The following SNX29 variants were observed in gnomAD, a reference collection of about 807,000 sequenced individuals.
The protein encoded by SNX29 is sorting nexin 29, also known as sorting nexin-29.
Under a neutral mutation model 102.1 loss-of-function variants are expected in SNX29, and 78 were observed. That is an observed-to-expected ratio of 0.76 (90% CI 0.64 to 0.92). The LOEUF (loss-of-function observed/expected upper bound fraction) is 0.92, where lower values mean the gene tolerates loss of function less well. SNX29 is among the 40% of genes least tolerant of loss of function. The pLI is 0.00. For synonymous variants in SNX29, 580 were observed against 414.5 expected, an observed-to-expected ratio of 1.40 and a Z score of -4.85; for missense variants, 1,280 against 1,061.7, an observed-to-expected ratio of 1.21 and a Z score of -2.86.
intron 13 of SNX29, among the ~76,000 whole-genome samples, chr16:12,147,224 G>C (rs1310388558): frequency 1.3e-5 from 2 of 152,220 alleles, no homozygotes. Flanking sequence ...ACAGACTTGG[G>C]CAGTTCATCA....
intron 16 of SNX29, among the ~76,000 whole-genome samples, chr16:12,397,462 G>C (rs551917784): frequency 7.4e-4 from 113 of 152,324 alleles, no homozygotes; most frequent in Non-Finnish European, 1.2e-3. Flanking sequence ...CAGGTTCACT[G>C]TGAAGCTTGC....
At chr16:12,254,912 G>A (rs1422589291) in intron 14 of SNX29, among the ~76,000 whole-genome samples, 7 of 152,164 alleles carry the variant, frequency 4.6e-5, no homozygotes, top group Admixed American at 3.9e-4. Context: ...TGGAGAGGGC[G>A]AGTGGAGACA....
intron 13 of SNX29, among the ~76,000 whole-genome samples, chr16:12,150,005 G>A (rs1180059743): frequency 6.6e-6 from 1 of 152,184 alleles, no homozygotes; most frequent in African/African-American, 2.4e-5. Flanking sequence ...GGAGTCCAGA[G>A]TACGTTTGGG....
In SNX29 at chr16:12,040,214, A is replaced by C. The variant is rs575656719; in HGVS notation, c.248-2683A>C. Among the ~76,000 whole-genome samples, 43 of 152,074 alleles carry C rather than the reference A, an allele frequency of 2.8e-4. No individual in the cohort carries two copies. In the South Asian group the frequency reaches 3.1e-3, roughly 11 times the overall value. ...TAGCAGAACCTCATCTCTACAAATA[A>C]ATAAAAATTAAAAAGTTAGCTGGGC... is the stretch of plus-strand genomic sequence containing the variant. On this transcript the variant is annotated intron_variant, in intron 4 of 20. Transcript: ENST00000566228.
intron 13 of SNX29, among the ~76,000 whole-genome samples, chr16:12,188,255 G>A (rs1249347586): frequency 6.6e-6 from 1 of 152,134 alleles, no homozygotes; most frequent in Non-Finnish European, 1.5e-5. Flanking sequence ...TCTGTCTGTA[G>A]TTTCTGAAGG....
rs1209543619 is a variant in SNX29, at chr16:12,571,066, G to GC, written c.*2440dup. 4.3e-6 allele frequency: 1 copy of GC among 232,534 alleles called. No homozygotes were observed. The highest frequency in any genetic ancestry group is 8.5e-6 in the Non-Finnish European group (1 of 117,682). 14.4% of individuals were successfully genotyped at this position (232,534 alleles called of 1,614,324 possible). On this transcript the variant is annotated 3_prime_UTR_variant, in exon 21 of 21. Transcript: ENST00000566228. ...CATTCTCACTCTAAAAATGCTGGTG[G>GC]CCCGCACATGACAGCAACTCCCCGA... is the stretch of plus-strand genomic sequence containing the variant.
chr16:12,034,974 G>A (rs1380008525), intron 4 of SNX29, among the ~76,000 whole-genome samples: 3 of 151,890 alleles, frequency 2.0e-5, no homozygotes, highest in African/African-American at 2.4e-5. Context: ...CCGTGCCCTG[G>A]CACTCCAGCC....
At chr16:12,490,484 A>G (rs756294158) in intron 19 of SNX29, among the ~76,000 whole-genome samples, 13 of 152,218 alleles carry the variant, frequency 8.5e-5, no homozygotes, top group Non-Finnish European at 1.5e-4. Flanking sequence ...GTCTGGCTCA[A>G]TTACAAATAG....
At chr16:12,538,412 T>G (rs1049532251) in intron 20 of SNX29, among the ~76,000 whole-genome samples, 1 of 152,164 alleles carries the variant, frequency 6.6e-6, no homozygotes, top group Non-Finnish European at 1.5e-5. Context: ...TTTAAAATGA[T>G]GTCTGGGAGT....
intron 14 of SNX29, among the ~76,000 whole-genome samples, chr16:12,271,300 C>T (rs1240729921): frequency 3.7e-4 from 56 of 152,216 alleles, no homozygotes. Flanking sequence ...GAGGAGTGTG[C>T]ACTGCCCTCA....
intron 15 of SNX29, among the ~76,000 whole-genome samples, chr16:12,287,915 A>G (rs1252481273): frequency 6.6e-6 from 1 of 152,174 alleles, no homozygotes; most frequent in African/African-American, 2.4e-5. Flanking sequence ...AGGGTGTATT[A>G]CATGTGTGGT....
intron 15 of SNX29, among the ~76,000 whole-genome samples, chr16:12,335,998 T>C (rs28496413): frequency 0.052 from 7,983 of 152,280 alleles, 435 homozygotes; most frequent in African/African-American, 0.13. Flanking sequence ...GAAGACAGTC[T>C]GTCTGGGTCT....
chr16:12,528,436 G>A (rs1444426642), intron 20 of SNX29, among the ~76,000 whole-genome samples: 3 of 152,134 alleles, frequency 2.0e-5, no homozygotes, highest in African/African-American at 7.2e-5. Context: ...CTGACCTCAG[G>A]TGATCCGCGT....
chr16:12,272,318 A>G (rs2079114674), intron 14 of SNX29, among the ~76,000 whole-genome samples: 1 of 152,270 alleles, frequency 6.6e-6, no homozygotes, highest in Non-Finnish European at 1.5e-5. Flanking sequence ...GGGTTGAATG[A>G]ATTGTGATGA....
chr16:12,296,711 C>T (rs148975010), intron 15 of SNX29, among the ~76,000 whole-genome samples: 15 of 152,298 alleles, frequency 9.8e-5, no homozygotes, highest in African/African-American at 3.1e-4. Flanking sequence ...ATGGTTATAC[C>T]ATTAGTATCA....
At position 12,096,495 on chromosome 16, in the gene SNX29, A is replaced by C. The variant is rs998484633; in HGVS notation, c.1402+17580A>C. On this transcript the variant is annotated intron_variant, in intron 11 of 20. Transcript: ENST00000566228. This position sits in a 1 kb window ranked among gnomAD's most constrained non-coding sequence, Gnocchi z 4.2. Reference sequence around the variant, plus strand: ...AGCACCATGGGCTGTTGTGAGGACTAAATGAGTTCATACACAGAGAGTGCT... The same window carrying C: ...AGCACCATGGGCTGTTGTGAGGACTCAATGAGTTCATACACAGAGAGTGCT... Among the ~76,000 whole-genome samples, 2 of 152,234 alleles carry C rather than the reference A, an allele frequency of 1.3e-5. No homozygotes were observed. The highest frequency in any genetic ancestry group is 3.8e-4 in the East Asian group (2 of 5,204).
chr16:12,161,144 C>T (rs560329557), intron 13 of SNX29, among the ~76,000 whole-genome samples: 5 of 152,234 alleles, frequency 3.3e-5, no homozygotes, highest in Non-Finnish European at 7.3e-5. Flanking sequence ...TACCTCGTCA[C>T]GTTCTGCGGT....
chr16:12,533,752 AGCC>A (rs1388487313), intron 20 of SNX29, among the ~76,000 whole-genome samples: 1 of 152,122 alleles, frequency 6.6e-6, no homozygotes, highest in Non-Finnish European at 1.5e-5. Flanking sequence ...AAGTGAATTA[AGCC>A]ATTGAGTTGT....
chr16:12,139,751 C>G (rs2054800483), intron 13 of SNX29, among the ~76,000 whole-genome samples: 1 of 151,912 alleles, frequency 6.6e-6, no homozygotes. Flanking sequence ...CTTTGGGAGG[C>G]CAAGGTGGGC....
Sources: allele counts gnomAD v4.1 joint callset (sites outside exome capture counted in the v4.1 genomes callset), GRCh38; gene constraint gnomAD v4.1.1; non-coding constraint Gnocchi (gnomAD v3.1); transcripts MANE v1.5; gene names NCBI Gene and HGNC (gene_info 2026-07-23, HGNC 2026-07-21).